Variants in CRYZL1 observed in about 807,000 individuals in gnomAD.
CRYZL1 encodes crystallin zeta like 1.
CRYZL1 carries 34 observed loss-of-function variants against 50.6 expected under a neutral mutation model. The ratio of observed to expected loss-of-function variants is 0.67; its 90% CI spans 0.51 to 0.89. The LOEUF (loss-of-function observed/expected upper bound fraction) is 0.89. CRYZL1 is among the 40% of genes least tolerant of loss of function. The probability of loss-of-function intolerance (pLI) is 0.00; values close to 1 mark genes in which losing one functional copy is unlikely to be tolerated. For synonymous variants in CRYZL1, 125 were observed against 134.3 expected, an observed-to-expected ratio of 0.93 and a Z score of 0.48; for missense variants, 354 against 402.3, an observed-to-expected ratio of 0.88 and a Z score of 1.03.
chr21:33,594,457 C>A (rs910737649), intron 11 of CRYZL1: 2 of 151,754 alleles, frequency 1.3e-5, no homozygotes, highest in African/African-American at 4.8e-5. Flanking sequence ...ACTGTGCCAG[C>A]TCATGTACCT....
At chr21:33,626,671 T>C (rs1337868608) in intron 2 of CRYZL1, among the ~76,000 whole-genome samples, 5 of 147,362 alleles carry the variant, frequency 3.4e-5, no homozygotes, top group Admixed American at 6.9e-5. Context: ...CACTCCAGCC[T>C]GGGTGACAGA....
chr21:33,610,483 T>C (rs1160713284), intron 6 of CRYZL1, among the ~76,000 whole-genome samples: 2 of 152,146 alleles, frequency 1.3e-5, no homozygotes, highest in Non-Finnish European at 2.9e-5. Context: ...CATTTTGCTG[T>C]GTTTTCTTCC....
chr21:33,629,008 T>C (rs979246302), intron 2 of CRYZL1, among the ~76,000 whole-genome samples: 2 of 150,980 alleles, frequency 1.3e-5, no homozygotes, highest in African/African-American at 4.9e-5. Context: ...GGTGGGAGGA[T>C]AGCTTGAGCC....
At chr21:33,625,833 T>TA (rs888040581) in intron 2 of CRYZL1, among the ~76,000 whole-genome samples, 3 of 151,050 alleles carry the variant, frequency 2.0e-5, no homozygotes, top group Middle Eastern at 3.4e-3. Flanking sequence ...AAAATATAAT[T>TA]AAAAAAAAAT....
intron 6 of CRYZL1, among the ~76,000 whole-genome samples, chr21:33,606,826 A>G (rs2086819689): frequency 6.6e-6 from 1 of 152,086 alleles, no homozygotes; most frequent in Non-Finnish European, 1.5e-5. Flanking sequence ...CCTGACCAAC[A>G]TGGAGAAACC....
chr21:33,599,081 TA>T, intron 9 of CRYZL1, 68 bp downstream of exon 9: 1 of 1,445,248 alleles, frequency 6.9e-7, no homozygotes, highest in South Asian at 1.2e-5. Flanking sequence ...ATGCCCTGGT[TA>T]AATTTTTTTT....
At chr21:33,615,130 AT>A (rs1161472684) in intron 5 of CRYZL1, among the ~76,000 whole-genome samples, 1 of 146,654 alleles carries the variant, frequency 6.8e-6, no homozygotes, top group African/African-American at 2.5e-5. Flanking sequence ...AAGGCTAAAT[AT>A]TTTTTCTTTC....
chr21:33,589,584 A>T lies in CRYZL1; in HGVS notation c.*238T>A. Reference sequence around the variant, plus strand: ...GGGCAAAATATATAGAAACAATGAAAAGGTTTTTAGAAAAATTCCCTTAAG... The same window carrying T: ...GGGCAAAATATATAGAAACAATGAATAGGTTTTTAGAAAAATTCCCTTAAG... On this transcript the variant is annotated 3_prime_UTR_variant, in exon 13 of 13. Coordinates refer to ENST00000381554, the MANE Select transcript of CRYZL1 (RefSeq NM_145858.3). 1 of 509,346 alleles carries T rather than the reference A, an allele frequency of 2.0e-6. No homozygotes were observed. Among genetic ancestry groups the T allele is most frequent in the South Asian group, 3.2e-5 (1 of 31,130 alleles). 31.6% of individuals were successfully genotyped at this position (509,346 alleles called of 1,614,324 possible). A position where few individuals can be genotyped will look rare whatever the true frequency, so the allele number is the denominator to read the frequency against.
chr21:33,636,754 T>C (rs905931601), intron 1 of CRYZL1, among the ~76,000 whole-genome samples: 6 of 152,222 alleles, frequency 3.9e-5, no homozygotes, highest in Non-Finnish European at 8.8e-5. Context: ...CTTCTTATAA[T>C]AGCAACATGA....
chr21:33,635,997 CAAAT>C (rs987041142), intron 1 of CRYZL1, among the ~76,000 whole-genome samples: 44 of 151,886 alleles, frequency 2.9e-4, no homozygotes, highest in African/African-American at 1.1e-3. Context: ...AATAAATGAA[CAAAT>C]AAATAAAACA....
At chr21:33,602,107 T>A (rs1443179806) in intron 8 of CRYZL1, 127 bp downstream of exon 8, 10 of 597,670 alleles carry the variant, frequency 1.7e-5, no homozygotes, top group Non-Finnish European at 2.7e-5. Context: ...CCCAAGGTGC[T>A]GAGGTTACAG....
chr21:33,595,440 GGAGA>G (rs748685611), intron 11 of CRYZL1: 10 of 1,365,116 alleles, frequency 7.3e-6, no homozygotes, highest in Non-Finnish European at 8.7e-6. Context: ...TGTTCAGAAA[GGAGA>G]GAGACTGCCT....
intron 4 of CRYZL1, among the ~76,000 whole-genome samples, chr21:33,619,076 A>G (rs117580859): frequency 0.012 from 1,844 of 152,260 alleles, 16 homozygotes; most frequent in Non-Finnish European, 0.019. Context: ...CCTTGAACTC[A>G]GTAAGTATAA....
chr21:33,641,414 T>C, intron 1 of CRYZL1: 1 of 1,339,830 alleles, frequency 7.5e-7, no homozygotes, highest in Non-Finnish European at 9.9e-7. Flanking sequence ...CCCAGACCTC[T>C]GCCTCCATAA....
chr21:33,604,355 CAAAAAAA>C (rs71194858), intron 6 of CRYZL1, among the ~76,000 whole-genome samples: 2 of 69,598 alleles, frequency 2.9e-5, no homozygotes, highest in Non-Finnish European at 2.5e-5. Context: ...GACTCCGTCT[CAAAAAAA>C]AAAAAAAAAA....
intron 10 of CRYZL1, 97 bp from the exon 11 acceptor site, chr21:33,595,933 G>A: frequency 1.3e-6 from 1 of 781,856 alleles, no homozygotes; most frequent in Middle Eastern, 2.3e-4. Flanking sequence ...CAAATTAAAT[G>A]ATGTCCAAAT....
intron 6 of CRYZL1, among the ~76,000 whole-genome samples, chr21:33,607,353 A>C (rs2086824292): frequency 6.6e-6 from 1 of 152,148 alleles, no homozygotes. Context: ...TTAAACAATC[A>C]TGAAGGCTGG....
intron 4 of CRYZL1, among the ~76,000 whole-genome samples, chr21:33,618,288 CAAAAAAAAAAA>C (rs35810127): frequency 3.3e-5 from 3 of 91,276 alleles, no homozygotes; most frequent in Admixed American, 1.4e-4. Context: ...GACTCCGTCT[CAAAAAAAAAAA>C]AAAAAAAAAG....
Position 33,589,611 on chromosome 21 carries a change from T to C in CRYZL1, c.*211A>G, listed in dbSNP as rs1034860700. ...GGTTTTTAGAAAAATTCCCTTAAGATGTTAATTATAGAATTATCTTGATCA... is the reference window on the plus strand; with the variant it reads ...GGTTTTTAGAAAAATTCCCTTAAGACGTTAATTATAGAATTATCTTGATCA... On this transcript the variant is annotated 3_prime_UTR_variant, in exon 13 of 13. Transcript: ENST00000381554. The C allele has an allele frequency of 1.1e-5, 6 of 522,326 alleles. No homozygotes were observed. The highest frequency in any genetic ancestry group is 1.4e-5 in the Non-Finnish European group (4 of 291,174). The allele number at this position is 522,326 out of a possible 1,614,324, so 32.4% of individuals were successfully genotyped here. A position where few individuals can be genotyped will look rare whatever the true frequency, so the allele number is the denominator to read the frequency against.
Sources: allele counts gnomAD v4.1 joint callset (sites outside exome capture counted in the v4.1 genomes callset), GRCh38; gene constraint gnomAD v4.1.1; transcripts MANE v1.5; gene names NCBI Gene and HGNC (gene_info 2026-07-23, HGNC 2026-07-21).